Variants in ARK2N observed in about 807,000 individuals in gnomAD.
The protein encoded by ARK2N is protein ARK2N.
At chr18:46,262,961 G>T in the ARK2N span, 1 of 1,614,148 alleles carries the variant, frequency 6.2e-7, no homozygotes, top group Non-Finnish European at 8.5e-7. Flanking sequence ...GTGATTCAGA[G>T]TGTTTCTTCA....
chr18:46,174,272 T>C, the ARK2N span: 4 of 152,220 alleles, frequency 2.6e-5, no homozygotes, highest in African/African-American at 9.7e-5. Context: ...GTTCGGTGCG[T>C]GCCCCGACGG....
chr18:46,258,636 C>G, the ARK2N span, among the ~76,000 whole-genome samples: 1 of 152,132 alleles, frequency 6.6e-6, no homozygotes, highest in Non-Finnish European at 1.5e-5. Context: ...TGTTTCATAC[C>G]TGTCACCAAT....
the ARK2N span, chr18:46,216,665 T>C: frequency 7.5e-7 from 1 of 1,334,232 alleles, no homozygotes; most frequent in Non-Finnish European, 1.0e-6. This position sits in a 1 kb window ranked among gnomAD's most constrained non-coding sequence, Gnocchi z 4.3. Flanking sequence ...TTCAGTTAGA[T>C]GAGTGACACT....
the ARK2N span, among the ~76,000 whole-genome samples, chr18:46,200,015 G>A: frequency 2.0e-5 from 3 of 151,960 alleles, no homozygotes; most frequent in Non-Finnish European, 4.4e-5. Context: ...GCGGCCCTGT[G>A]GATTTTAAGC....
chr18:46,237,642 G>A, the ARK2N span, among the ~76,000 whole-genome samples: 7 of 152,152 alleles, frequency 4.6e-5, no homozygotes, highest in Non-Finnish European at 1.0e-4. Context: ...ATCTGCCTTG[G>A]CCTCTTAAGT....
the ARK2N span, among the ~76,000 whole-genome samples, chr18:46,255,419 T>TCTTTG: frequency 6.7e-6 from 1 of 148,152 alleles, no homozygotes; most frequent in African/African-American, 2.5e-5. Context: ...TCTTTTCTTT[T>TCTTTG]CTTTTCTTTG....
At chr18:46,210,385 T>C in the ARK2N span, among the ~76,000 whole-genome samples, 1 of 152,190 alleles carries the variant, frequency 6.6e-6, no homozygotes, top group Non-Finnish European at 1.5e-5. Flanking sequence ...GCAACTGAGA[T>C]AATAGCAATA....
chr18:46,194,769 C>T, the ARK2N span, among the ~76,000 whole-genome samples: 7 of 148,152 alleles, frequency 4.7e-5, no homozygotes, highest in Non-Finnish European at 7.4e-5. Context: ...CCACCGCGAC[C>T]GGATTCTTGT....
At chr18:46,177,735 C>G in the ARK2N span, among the ~76,000 whole-genome samples, 3 of 151,684 alleles carry the variant, frequency 2.0e-5, no homozygotes, top group Non-Finnish European at 4.4e-5. Flanking sequence ...CCTTGAGAGC[C>G]CATTTCTATA....
At chr18:46,198,818 C>T in the ARK2N span, among the ~76,000 whole-genome samples, 11 of 151,916 alleles carry the variant, frequency 7.2e-5, no homozygotes, top group African/African-American at 1.4e-4. Context: ...AGGTTGGTCT[C>T]GAACTCCTGA....
At chr18:46,174,259 G>C in the ARK2N span, 1 of 152,388 alleles carries the variant, frequency 6.6e-6, no homozygotes, top group East Asian at 1.9e-4. Context: ...GTCCCGGCCG[G>C]GGGTTCGGTG....
At chr18:46,174,454 C>T in the ARK2N span, 1 of 152,266 alleles carries the variant, frequency 6.6e-6, no homozygotes, top group East Asian at 1.9e-4. Flanking sequence ...GGCTCTGCGG[C>T]GTCCGGACGC....
chr18:46,188,388 A>G, the ARK2N span, among the ~76,000 whole-genome samples: 6 of 152,006 alleles, frequency 3.9e-5, no homozygotes, highest in African/African-American at 9.7e-5. Context: ...TTTAGTAGAG[A>G]TGGGGTTTCA....
chr18:46,255,445 CTTTTTTTT>C, the ARK2N span, among the ~76,000 whole-genome samples: 38 of 77,732 alleles, frequency 4.9e-4, no homozygotes, highest in African/African-American at 2.2e-3. Context: ...CTTTTCTTTT[CTTTTTTTT>C]TTTTTTTTTT....
the ARK2N span, among the ~76,000 whole-genome samples, chr18:46,260,654 C>T: frequency 6.6e-6 from 1 of 152,212 alleles, no homozygotes; most frequent in Admixed American, 6.5e-5. Flanking sequence ...CTCTCACTCT[C>T]CTAGTTCTTT....
the ARK2N span, among the ~76,000 whole-genome samples, chr18:46,252,346 G>A: frequency 9.2e-3 from 1,396 of 151,000 alleles, 29 homozygotes; most frequent in African/African-American, 0.032. Flanking sequence ...GCGCGATCTC[G>A]ACTCACTGAA....
chr18:46,213,385 G>T, the ARK2N span, among the ~76,000 whole-genome samples: 4 of 151,436 alleles, frequency 2.6e-5, no homozygotes, highest in African/African-American at 9.7e-5. Flanking sequence ...GAAAATCTTT[G>T]TCCCCCCCAC....
the ARK2N span, among the ~76,000 whole-genome samples, chr18:46,176,917 A>C: frequency 3.3e-5 from 5 of 151,996 alleles, no homozygotes; most frequent in African/African-American, 1.2e-4. Flanking sequence ...CGGCTGGCTA[A>C]TTTTTAAATT....
the ARK2N span, among the ~76,000 whole-genome samples, chr18:46,215,320 AAAAC>A: frequency 2.6e-4 from 39 of 152,246 alleles, no homozygotes; most frequent in Non-Finnish European, 3.7e-4. Context: ...CCCTGTCTCA[AAAAC>A]AAACAAACAA....
Sources: allele counts gnomAD v4.1 joint callset (sites outside exome capture counted in the v4.1 genomes callset), GRCh38; gene constraint gnomAD v4.1.1; non-coding constraint Gnocchi (gnomAD v3.1); transcripts MANE v1.5; gene names NCBI Gene and HGNC (gene_info 2026-07-23, HGNC 2026-07-21).